The following ERBB4 variants were observed in gnomAD, a reference collection of about 807,000 sequenced individuals.
ERBB4 encodes the protein erb-b2 receptor tyrosine kinase 4.
Under a neutral mutation model 158.0 loss-of-function variants are expected in ERBB4, and 42 were observed. The ratio of observed to expected loss-of-function variants is 0.27; its 90% CI spans 0.21 to 0.34. ERBB4 has a LOEUF of 0.34. Among genes scored for constraint, ERBB4 ranks in the 10% least tolerant of loss-of-function variants. The pLI is 1.00. For synonymous variants in ERBB4, 583 were observed against 558.7 expected (o/e 1.04, Z -0.61); for missense variants, 1,333 against 1,624.1 (o/e 0.82, Z 3.08).
At chr2:212,048,431 T>G (rs1393618242) in intron 2 of ERBB4, among the ~76,000 whole-genome samples, 1 of 152,082 alleles carries the variant, frequency 6.6e-6, no homozygotes, top group Non-Finnish European at 1.5e-5. Flanking sequence ...GTAGTAGACA[T>G]GGAGACAAGT....
At chr2:212,177,393 C>A (rs1438146522) in intron 1 of ERBB4, among the ~76,000 whole-genome samples, 1 of 151,822 alleles carries the variant, frequency 6.6e-6, no homozygotes, top group Non-Finnish European at 1.5e-5. Flanking sequence ...TTTAATATTT[C>A]AGCTGAATTT....
intron 2 of ERBB4, among the ~76,000 whole-genome samples, chr2:212,104,444 C>A (rs1278630172): frequency 1.3e-5 from 2 of 152,110 alleles, no homozygotes; most frequent in East Asian, 3.8e-4. Flanking sequence ...CTTCACAATT[C>A]ACCTGAAATT....
chr2:212,134,026 T>C (rs1356369042), intron 1 of ERBB4, among the ~76,000 whole-genome samples: 2 of 152,162 alleles, frequency 1.3e-5, no homozygotes, highest in African/African-American at 4.8e-5. Context: ...TTTCAATTGA[T>C]GGGTAATAGT....
At chr2:211,579,805 G>C (rs1305882995) in intron 19 of ERBB4, among the ~76,000 whole-genome samples, 2 of 152,008 alleles carry the variant, frequency 1.3e-5, no homozygotes, top group East Asian at 3.9e-4. Flanking sequence ...TCAGGGGGTG[G>C]GGTTGGGGGA....
rs190191729 is a variant in ERBB4 at position 211,603,067 on chromosome 2, C to T, written c.2301+16110G>A. Among the ~76,000 whole-genome samples, 15 of 152,130 alleles carry T rather than the reference C, an allele frequency of 9.9e-5. No individual in the cohort carries two copies. In the East Asian group the frequency reaches 2.9e-3, roughly 30 times the overall value. ...CCAAGATGGTGAAACTCCATCTCTACTAAAAATACAAAATTTAGCTGGGCA... is the reference window on the plus strand; with the variant it reads ...CCAAGATGGTGAAACTCCATCTCTATTAAAAATACAAAATTTAGCTGGGCA... On this transcript the variant is annotated intron_variant, in intron 19 of 27. Coordinates refer to ENST00000342788, the MANE Select transcript of ERBB4 (RefSeq NM_005235.3).
At chr2:212,022,750 A>AT (rs1023454176) in intron 2 of ERBB4, among the ~76,000 whole-genome samples, 7 of 152,206 alleles carry the variant, frequency 4.6e-5, no homozygotes, top group African/African-American at 1.7e-4. Flanking sequence ...TTTTATTTGT[A>AT]TTTTTTTGTT....
At chr2:212,199,618 G>A (rs531891982) in intron 1 of ERBB4, among the ~76,000 whole-genome samples, 1 of 152,250 alleles carries the variant, frequency 6.6e-6, no homozygotes, top group East Asian at 1.9e-4. Flanking sequence ...GCATTATAGA[G>A]AGCCTGGTTT....
chr2:212,350,215 A>G (rs916080052), intron 1 of ERBB4, among the ~76,000 whole-genome samples: 1 of 152,246 alleles, frequency 6.6e-6, no homozygotes, highest in Non-Finnish European at 1.5e-5. Context: ...TGTGTGATAT[A>G]TTCTTTATGT....
At chr2:212,312,741 G>T (rs1379795290) in intron 1 of ERBB4, among the ~76,000 whole-genome samples, 2 of 150,868 alleles carry the variant, frequency 1.3e-5, no homozygotes, top group Non-Finnish European at 3.0e-5. Context: ...AACAGCTTTA[G>T]ATTAGAGTGA....
chr2:211,413,769 C>T (rs189054305), intron 25 of ERBB4, among the ~76,000 whole-genome samples: 2 of 151,766 alleles, frequency 1.3e-5, no homozygotes, highest in East Asian at 1.9e-4. Context: ...TTTTGTTTGA[C>T]GACCATGAAG....
intron 19 of ERBB4, among the ~76,000 whole-genome samples, chr2:211,568,129 T>G (rs927445465): frequency 6.6e-6 from 1 of 150,964 alleles, no homozygotes; most frequent in African/African-American, 2.5e-5. Flanking sequence ...TTTTCCTTTT[T>G]GCTTTACAAT....
intron 20 of ERBB4, among the ~76,000 whole-genome samples, chr2:211,451,686 G>A (rs1210947368): frequency 1.3e-5 from 2 of 152,112 alleles, no homozygotes; most frequent in African/African-American, 4.8e-5. Flanking sequence ...TAAACAACAA[G>A]GTCAAGGTAA....
intron 1 of ERBB4, among the ~76,000 whole-genome samples, chr2:212,436,830 T>C (rs1262629550): frequency 6.6e-6 from 1 of 152,058 alleles, no homozygotes; most frequent in Non-Finnish European, 1.5e-5. Flanking sequence ...TTAAGTTAAA[T>C]GCTTCATCAT....
At chr2:211,607,565 G>A (rs1044563754) in intron 19 of ERBB4, among the ~76,000 whole-genome samples, 4 of 152,152 alleles carry the variant, frequency 2.6e-5, no homozygotes, top group Non-Finnish European at 5.9e-5. Flanking sequence ...CTCACTGATT[G>A]CTTATTCGTC....
At chr2:212,485,869 A>G (rs1163742570) in intron 1 of ERBB4, among the ~76,000 whole-genome samples, 1 of 152,032 alleles carries the variant, frequency 6.6e-6, no homozygotes, top group Non-Finnish European at 1.5e-5. Flanking sequence ...GGCCTCTTTT[A>G]TAAAGGCACT....
intron 1 of ERBB4, among the ~76,000 whole-genome samples, chr2:212,213,735 A>C (rs377734298): frequency 9.9e-5 from 15 of 152,052 alleles, no homozygotes; most frequent in African/African-American, 3.4e-4. Flanking sequence ...GGTGAAGGGC[A>C]TAATCACCAG....
At chr2:211,529,264 A>G (rs1286800631) in intron 20 of ERBB4, among the ~76,000 whole-genome samples, 2 of 152,038 alleles carry the variant, frequency 1.3e-5, no homozygotes. Flanking sequence ...GGAGAAATGA[A>G]TAAATTCCTA....
chr2:211,999,420 C>T (rs2076053697), intron 2 of ERBB4, among the ~76,000 whole-genome samples: 1 of 151,674 alleles, frequency 6.6e-6, no homozygotes, highest in Non-Finnish European at 1.5e-5. Context: ...ACAGAATTCC[C>T]TCATTTTTCT....
At chr2:212,291,080 G>C (rs2086190016) in intron 1 of ERBB4, among the ~76,000 whole-genome samples, 1 of 152,056 alleles carries the variant, frequency 6.6e-6, no homozygotes, top group South Asian at 2.1e-4. Flanking sequence ...GCCCAATAAA[G>C]TAGGGAACTT....
Sources: allele counts gnomAD v4.1 joint callset (sites outside exome capture counted in the v4.1 genomes callset), GRCh38; gene constraint gnomAD v4.1.1; transcripts MANE v1.5; gene names NCBI Gene and HGNC (gene_info 2026-07-23, HGNC 2026-07-21).